Variants in TNFAIP8 observed in about 807,000 individuals in gnomAD.
The protein encoded by TNFAIP8 is TNF alpha induced protein 8.
A neutral mutation model predicts 13.3 loss-of-function variants in TNFAIP8; 7 were observed. The observed-to-expected ratio is 0.52, with a 90% CI of 0.30 to 0.99. TNFAIP8 has a LOEUF of 0.99. TNFAIP8 is among the 50% of genes least tolerant of loss of function. The pLI is 0.07. For synonymous variants in TNFAIP8, 94 were observed against 87.6 expected, an observed-to-expected ratio of 1.07 and a Z score of -0.41; for missense variants, 258 against 236.9, an observed-to-expected ratio of 1.09 and a Z score of -0.58.
At chr5:119,283,610 A>G (rs1347891367) in intron 1 of TNFAIP8, among the ~76,000 whole-genome samples, 2 of 152,162 alleles carry the variant, frequency 1.3e-5, no homozygotes, top group South Asian at 2.1e-4. Flanking sequence ...AGAGTCGGTG[A>G]TATGGAAAAG....
chr5:119,326,668 A>G (rs1182283537), intron 1 of TNFAIP8, among the ~76,000 whole-genome samples: 2 of 152,208 alleles, frequency 1.3e-5, no homozygotes, highest in East Asian at 1.9e-4. Flanking sequence ...GAGAAAATGT[A>G]TCATGAGGAC....
intron 1 of TNFAIP8, among the ~76,000 whole-genome samples, chr5:119,374,623 A>G (rs1270753212): frequency 6.6e-6 from 1 of 152,176 alleles, no homozygotes; most frequent in East Asian, 1.9e-4. Flanking sequence ...AGCTCTTTGC[A>G]TCTTATACTC....
chr5:119,310,385 G>A (rs181585063), intron 1 of TNFAIP8, among the ~76,000 whole-genome samples: 73 of 152,132 alleles, frequency 4.8e-4, no homozygotes, highest in Admixed American at 2.0e-3. Context: ...GGGATACTTC[G>A]CTGGAGAAGG....
chr5:119,316,618 T>G (rs2112680952), intron 1 of TNFAIP8, among the ~76,000 whole-genome samples: 2 of 152,340 alleles, frequency 1.3e-5, no homozygotes, highest in South Asian at 4.1e-4. Flanking sequence ...ATTCTCACAC[T>G]TGGCTGCACA....
intron 1 of TNFAIP8, among the ~76,000 whole-genome samples, chr5:119,371,101 G>A (rs1195301530): frequency 6.6e-6 from 1 of 152,154 alleles, no homozygotes; most frequent in African/African-American, 2.4e-5. Context: ...TTTTGATGGG[G>A]TAGCATACAT....
At position 119,278,080 on chromosome 5, in the gene TNFAIP8, G is replaced by A. The variant is rs1230537460; in HGVS notation, c.1+9173G>A. ...GGACACAATTCAGATCATAACAATC[G>A]GGATGTTTTAGACTGCAATTAAGCA... On this transcript the variant is annotated intron_variant, in intron 1 of 1. Coordinates refer to the TNFAIP8 transcript ENST00000274456. 2.6e-5 allele frequency among the ~76,000 whole-genome samples: 4 copies of A among 152,170 alleles called. No homozygotes were observed. In the East Asian group the frequency reaches 5.8e-4, roughly 22 times the overall value.
chr5:119,340,201 C>G (rs1027222974), intron 1 of TNFAIP8, among the ~76,000 whole-genome samples: 1 of 152,226 alleles, frequency 6.6e-6, no homozygotes, highest in South Asian at 2.1e-4. Context: ...AGCGTTGTCC[C>G]TAGCCAGCCA....
intron 1 of TNFAIP8, among the ~76,000 whole-genome samples, chr5:119,278,938 CTACT>C (rs1277523884): frequency 6.6e-6 from 1 of 152,124 alleles, no homozygotes; most frequent in African/African-American, 2.4e-5. Flanking sequence ...TAAAATAGCA[CTACT>C]TACTTTGGGG....
chr5:119,342,692 GA>G (rs1374366536), intron 1 of TNFAIP8, among the ~76,000 whole-genome samples: 2 of 152,148 alleles, frequency 1.3e-5, no homozygotes, highest in Non-Finnish European at 2.9e-5. Flanking sequence ...CTTTCTCAAA[GA>G]ATCTCCATTG....
chr5:119,302,705 C>A (rs946670402), intron 1 of TNFAIP8, among the ~76,000 whole-genome samples: 1 of 152,164 alleles, frequency 6.6e-6, no homozygotes, highest in Non-Finnish European at 1.5e-5. Context: ...CGTTAATTTC[C>A]ATTCATAATT....
chr5:119,358,970 C>A (rs1041621180), intron 1 of TNFAIP8, among the ~76,000 whole-genome samples: 1 of 152,158 alleles, frequency 6.6e-6, no homozygotes, highest in Non-Finnish European at 1.5e-5. Context: ...TTTCCCACCA[C>A]CACCTCACCC....
intron 1 of TNFAIP8, among the ~76,000 whole-genome samples, chr5:119,270,246 T>A (rs1410616852): frequency 6.6e-6 from 1 of 152,282 alleles, no homozygotes; most frequent in Non-Finnish European, 1.5e-5. Context: ...GTTTGAATCC[T>A]GTATTACACA....
At chr5:119,350,033 T>C (rs1393839018) in intron 1 of TNFAIP8, among the ~76,000 whole-genome samples, 2 of 152,230 alleles carry the variant, frequency 1.3e-5, no homozygotes, top group African/African-American at 4.8e-5. Flanking sequence ...CCTCCATTTC[T>C]TTAATTACAT....
chr5:119,372,595 GA>G (rs1402631893), intron 1 of TNFAIP8, among the ~76,000 whole-genome samples: 2 of 152,162 alleles, frequency 1.3e-5, no homozygotes, highest in Non-Finnish European at 2.9e-5. Context: ...CAGTCTTTTA[GA>G]AAAAGTAGCC....
chr5:119,355,850 C>T (rs1198658922), upstream of TNFAIP8: 3 of 1,086,322 alleles, frequency 2.8e-6, no homozygotes, highest in Non-Finnish European at 3.4e-6. Context: ...CCGGCCCGAG[C>T]GCGCGGCTCC....
intron 1 of TNFAIP8, chr5:119,268,968 G>T: frequency 1.5e-6 from 1 of 658,410 alleles, no homozygotes. Context: ...CCCGCCGCTG[G>T]GCTGCGGGCT....
Position 119,301,858 on chromosome 5 carries a change from A to G in TNFAIP8, c.1+32951A>G, listed in dbSNP as rs749880996. On this transcript the variant is annotated intron_variant, in intron 1 of 1. Transcript: ENST00000274456. ...CAACCCAGATACTGAGGATATTCCC[A>G]CTATACCTTCCCTACTCCAAGATCT... 2.6e-5 allele frequency among the ~76,000 whole-genome samples: 4 copies of G among 152,324 alleles called. No individual in the cohort carries two copies. The South Asian group carries it at 8.3e-4, about 32-fold the overall frequency.
chr5:119,343,523 A>G (rs1439390731), intron 1 of TNFAIP8, among the ~76,000 whole-genome samples: 3 of 152,232 alleles, frequency 2.0e-5, no homozygotes, highest in Non-Finnish European at 2.9e-5. Context: ...TTATTCTTAT[A>G]TGCTATCATA....
intron 1 of TNFAIP8, among the ~76,000 whole-genome samples, chr5:119,318,419 G>A (rs776782314): frequency 2.0e-5 from 3 of 151,994 alleles, no homozygotes. Context: ...TTCCTGTGTC[G>A]CTGGGACTAT....
Sources: allele counts gnomAD v4.1 joint callset (sites outside exome capture counted in the v4.1 genomes callset), GRCh38; gene constraint gnomAD v4.1.1; transcripts MANE v1.5; gene names NCBI Gene and HGNC (gene_info 2026-07-23, HGNC 2026-07-21).